Variants in MAP3K19 observed in about 807,000 individuals in gnomAD.
The protein encoded by MAP3K19 is SPS1/STE20-related protein kinase YSK4.
A neutral mutation model predicts 114.4 loss-of-function variants in MAP3K19; 91 were observed. The ratio of observed to expected loss-of-function variants is 0.80; its 90% CI spans 0.67 to 0.95. MAP3K19 has a LOEUF of 0.95. MAP3K19 is among the 40% of genes least tolerant of loss of function. The pLI, the probability that MAP3K19 is intolerant of heterozygous loss-of-function variation, is 0.00. For missense variants in MAP3K19, 1,471 were observed against 1,573.2 expected (o/e 0.94, Z 1.10); for synonymous variants, 518 against 530.5 (o/e 0.98, Z 0.32).
intron 12 of MAP3K19, among the ~76,000 whole-genome samples, chr2:134,971,510 C>G (rs1359820074): frequency 2.6e-5 from 4 of 152,136 alleles, no homozygotes; most frequent in Non-Finnish European, 5.9e-5. Flanking sequence ...GTTAGTTCTT[C>G]TTTATGAGTT....
intron 2 of MAP3K19, among the ~76,000 whole-genome samples, chr2:135,032,482 A>T (rs1157062597): frequency 2.0e-5 from 3 of 151,946 alleles, no homozygotes; most frequent in African/African-American, 7.2e-5. Context: ...AAATGAAAAC[A>T]TATACTCACA....
At chr2:135,021,149 T>G (rs143277952) in intron 5 of MAP3K19, among the ~76,000 whole-genome samples, 25 of 151,360 alleles carry the variant, frequency 1.7e-4, no homozygotes, top group African/African-American at 4.9e-4. Flanking sequence ...CCACCAAAAT[T>G]TATATGTTGA....
chr2:135,034,351 AC>A (rs1688474499), intron 2 of MAP3K19, among the ~76,000 whole-genome samples: 1 of 123,090 alleles, frequency 8.1e-6, no homozygotes, highest in East Asian at 2.5e-4. Context: ...GGGGCTCCTC[AC>A]GTCCCAGACG....
chr2:134,998,872 T>A lies in MAP3K19; in HGVS notation c.440A>T (p.Glu147Val). 1 of 1,614,238 alleles carries A rather than the reference T, an allele frequency of 6.2e-7. No individual in the cohort carries two copies. Among genetic ancestry groups the A allele is most frequent in the Non-Finnish European group, 8.5e-7 (1 of 1,180,038 alleles). ...TMRPLVLQKE[E>V]SSRELCNVNL... ...CACATTGCAGAGCTCCCTGGAACTTTCCTCTTTTTGCAAAACTAAGGGCCG... is the reference window on the plus strand; with the variant it reads ...CACATTGCAGAGCTCCCTGGAACTTACCTCTTTTTGCAAAACTAAGGGCCG... Residue 147 changes from glutamate (E) to valine (V), a missense_variant, in exon 8 of 13, where the codon GAA (glutamate) becomes GTA (valine). Glu to Val is a moderately radical substitution (Grantham distance 121). Transcript: ENST00000392915.
chr2:135,023,626 G>A (rs982814293), intron 4 of MAP3K19: 1 of 487,366 alleles, frequency 2.1e-6, no homozygotes, highest in African/African-American at 2.0e-5. Flanking sequence ...TGTCTCCGCT[G>A]TCAACATCAC....
intron 4 of MAP3K19, among the ~76,000 whole-genome samples, chr2:135,024,298 C>T (rs1455665850): frequency 6.6e-6 from 1 of 152,008 alleles, no homozygotes; most frequent in Admixed American, 6.6e-5. Flanking sequence ...GACTCTTTTC[C>T]TACCTATATC....
chr2:134,998,660 T>C (rs565337804), intron 8 of MAP3K19, 78 bp downstream of exon 8: 2 of 1,428,862 alleles, frequency 1.4e-6, no homozygotes, highest in African/African-American at 2.8e-5. Flanking sequence ...ATCTCTAGCA[T>C]TTAGAACAGT....
At chr2:135,000,093 G>C in intron 6 of MAP3K19, 78 bp from the exon 7 acceptor site, 1 of 957,486 alleles carries the variant, frequency 1.0e-6, no homozygotes, top group Admixed American at 1.8e-5. Flanking sequence ...CTTTATTTCT[G>C]TTTGGCTAAT....
In MAP3K19 at chr2:135,003,848, C is replaced by A. The variant is rs573089038; in HGVS notation, c.235+1587G>T. Among the ~76,000 whole-genome samples, 3 of 152,254 alleles carry A rather than the reference C, an allele frequency of 2.0e-5. No individual in the cohort carries two copies. The South Asian group carries it at 6.2e-4, about 32-fold the overall frequency. ...GGATTACAGGCGTGAGCCACAGTGC[C>A]CGGTCCATTTAAAGAGATTTAAACC... On this transcript the variant is annotated intron_variant, in intron 6 of 12. Transcript: ENST00000392915.
chr2:134,967,375 G>A, intron 12 of MAP3K19, among the ~76,000 whole-genome samples: 1 of 152,326 alleles, frequency 6.6e-6, no homozygotes, highest in East Asian at 1.9e-4. Context: ...TAGTCAAAGA[G>A]GAAATCCTCT....
At chr2:134,998,564 T>C (rs1686196190) in intron 8 of MAP3K19, among the ~76,000 whole-genome samples, 174 bp downstream of exon 8, 1 of 152,342 alleles carries the variant, frequency 6.6e-6, no homozygotes, top group Admixed American at 6.5e-5. Flanking sequence ...TGTTTACTAG[T>C]TTATTGTCTG....
At chr2:134,995,174 G>A (rs1685891012) in intron 8 of MAP3K19, among the ~76,000 whole-genome samples, 1 of 152,016 alleles carries the variant, frequency 6.6e-6, no homozygotes, top group Non-Finnish European at 1.5e-5. Flanking sequence ...AAAGTAGCTA[G>A]GCCTGGTGGT....
chr2:134,989,551 C>G (rs1382079201), intron 9 of MAP3K19, among the ~76,000 whole-genome samples: 1 of 152,124 alleles, frequency 6.6e-6, no homozygotes, highest in African/African-American at 2.4e-5. Context: ...AACCATCTGC[C>G]TAGTAACAGC....
chr2:135,031,152 C>T (rs1028498020), intron 2 of MAP3K19, among the ~76,000 whole-genome samples: 4 of 124,966 alleles, frequency 3.2e-5, no homozygotes, highest in Admixed American at 1.7e-4. Flanking sequence ...AGAACAGAGA[C>T]ATATTTAAAA....
At chr2:134,992,751 C>A (rs1443513747) in intron 8 of MAP3K19, among the ~76,000 whole-genome samples, 1 of 152,010 alleles carries the variant, frequency 6.6e-6, no homozygotes, top group Non-Finnish European at 1.5e-5. Flanking sequence ...CTCGCTGCAA[C>A]CTCCACCTCC....
intron 2 of MAP3K19, among the ~76,000 whole-genome samples, chr2:135,031,041 G>T (rs984523880): frequency 6.6e-6 from 1 of 151,998 alleles, no homozygotes; most frequent in Non-Finnish European, 1.5e-5. Flanking sequence ...ATGGTGAGGG[G>T]ACAGACTGCC....
intron 12 of MAP3K19, among the ~76,000 whole-genome samples, chr2:134,977,939 T>A (rs1356915796): frequency 6.6e-6 from 1 of 152,146 alleles, no homozygotes; most frequent in Admixed American, 6.5e-5. Flanking sequence ...CTGTTTGTCA[T>A]TTCTGTAGCG....
chr2:135,021,219 A>G (rs760766833), intron 5 of MAP3K19, among the ~76,000 whole-genome samples: 10 of 152,108 alleles, frequency 6.6e-5, no homozygotes, highest in Admixed American at 1.3e-4. Context: ...GTAGATTATG[A>G]AAGTAGAGTC....
At chr2:134,998,318 T>C (rs1686175387) in intron 8 of MAP3K19, among the ~76,000 whole-genome samples, 1 of 152,120 alleles carries the variant, frequency 6.6e-6, no homozygotes, top group South Asian at 2.1e-4. Context: ...AATGAAGATT[T>C]TCAAACACTC....
Sources: gnomAD v4.1 joint callset for allele counts (sites outside exome capture counted in the v4.1 genomes callset) on GRCh38, gnomAD v4.1.1 for gene constraint, MANE v1.5 for transcripts, NCBI Gene and HGNC (gene_info 2026-07-23, HGNC 2026-07-21) for gene names.